The following TLN2 variants were observed in gnomAD, a reference collection of about 807,000 sequenced individuals.
TLN2 encodes the protein talin 2.
Under a neutral mutation model 294.7 loss-of-function variants are expected in TLN2, and 118 were observed. That is an observed-to-expected ratio of 0.40 (90% CI 0.34 to 0.47). TLN2 has a LOEUF of 0.47. Ranked by LOEUF, TLN2 falls within the 20% of genes least tolerant of loss-of-function variation. The pLI is 0.84. For missense variants in TLN2, 3,083 were observed against 3,282.2 expected (o/e 0.94, Z 1.48); for synonymous variants, 1,431 against 1,304.5 (o/e 1.10, Z -2.09).
chr15:62,456,340 G>C (rs1166876798), intron 1 of TLN2, among the ~76,000 whole-genome samples: 3 of 152,204 alleles, frequency 2.0e-5, no homozygotes, highest in African/African-American at 7.2e-5. Context: ...CTTCAGAGCT[G>C]CAGCAGTAGC....
At chr15:62,660,561 T>C (rs1315707474) in intron 9 of TLN2, among the ~76,000 whole-genome samples, 5 of 152,222 alleles carry the variant, frequency 3.3e-5, no homozygotes, top group Admixed American at 6.5e-5. Context: ...GGACATTTTA[T>C]TGGTGCATGA....
chr15:62,842,788 A>G lies in TLN2; in HGVS notation c.*2178A>G, dbSNP rs2070840747. On this transcript the variant is annotated 3_prime_UTR_variant, in exon 59 of 59. Transcript: ENST00000636159. ...GAAAGTTTATTTTTGTAGGAGCTATATAAATACTCACCTTTCTGGAGTCGT... is the reference window on the plus strand; with the variant it reads ...GAAAGTTTATTTTTGTAGGAGCTATGTAAATACTCACCTTTCTGGAGTCGT... The G allele has an allele frequency of 6.6e-6, 1 of 152,202 alleles. No individual in the cohort carries two copies. Among genetic ancestry groups the G allele is most frequent in the Non-Finnish European group, 1.5e-5 (1 of 68,034 alleles). 9.4% of individuals were successfully genotyped at this position (152,202 alleles called of 1,614,324 possible).
chr15:62,516,256 A>G (rs924824761), intron 1 of TLN2, among the ~76,000 whole-genome samples: 1 of 152,226 alleles, frequency 6.6e-6, no homozygotes, highest in Admixed American at 6.5e-5. Context: ...AATTTATTAT[A>G]GTTTTTGGCA....
chr15:62,771,571 A>T lies in TLN2; in HGVS notation c.5367+437A>T, dbSNP rs112539268. 8.9e-3 allele frequency among the ~76,000 whole-genome samples: 1,351 copies of T among 152,368 alleles called. 24 individuals carry two copies. The highest frequency in any genetic ancestry group is 0.03 in the African/African-American group (1,245 of 41,582). On this transcript the variant is annotated intron_variant, in intron 42 of 58. Coordinates refer to ENST00000636159, the MANE Select transcript of TLN2 (RefSeq NM_015059.3). ...AGTTTGCAAGAGGGAACATTTCTTC[A>T]GCCTGTTGTGTCACCCAGCTGCTTT...
intron 22 of TLN2, among the ~76,000 whole-genome samples, chr15:62,713,877 A>G (rs2059586887): frequency 7.7e-6 from 1 of 129,500 alleles, no homozygotes; most frequent in East Asian, 2.1e-4. Context: ...AAGCTCTGCT[A>G]TTAACCCCCT....
intron 41 of TLN2, among the ~76,000 whole-genome samples, chr15:62,767,995 A>T (rs1567562086): frequency 6.6e-6 from 1 of 152,198 alleles, no homozygotes; most frequent in Non-Finnish European, 1.5e-5. Context: ...CCTTGGGCTA[A>T]TCCATCTCTT....
At chr15:62,542,527 A>G (rs2041755806) in intron 1 of TLN2, among the ~76,000 whole-genome samples, 1 of 152,144 alleles carries the variant, frequency 6.6e-6, no homozygotes, top group Admixed American at 6.5e-5. Context: ...ACTGCAGGCA[A>G]CTGAAACTGC....
intron 45 of TLN2, among the ~76,000 whole-genome samples, chr15:62,791,175 C>T (rs543173635): frequency 2.9e-5 from 4 of 138,030 alleles, no homozygotes; most frequent in East Asian, 2.3e-4. Context: ...GGTGAAACCC[C>T]GTCTCTACTA....
chr15:62,714,389 A>T (rs922861557), intron 22 of TLN2, among the ~76,000 whole-genome samples: 1 of 151,714 alleles, frequency 6.6e-6, no homozygotes, highest in Non-Finnish European at 1.5e-5. Flanking sequence ...TTTTTAGTAG[A>T]GACAGGGTTT....
At chr15:62,438,891 G>A (rs898380496) in intron 1 of TLN2, among the ~76,000 whole-genome samples, 1 of 152,100 alleles carries the variant, frequency 6.6e-6, no homozygotes, top group Non-Finnish European at 1.5e-5. Flanking sequence ...AGCACATGCT[G>A]GACTCGGATT....
intron 1 of TLN2, among the ~76,000 whole-genome samples, chr15:62,423,834 C>T (rs953465578): frequency 6.6e-6 from 1 of 152,196 alleles, no homozygotes; most frequent in Non-Finnish European, 1.5e-5. Flanking sequence ...CACATCTTGG[C>T]CTCCCAAAGT....
At position 62,545,514 on chromosome 15, in the gene TLN2, T is replaced by TTGTGTGTGTGTGTGTG. The variant is rs56777565; in HGVS notation, c.-237-44157_-237-44142dup. Among the ~76,000 whole-genome samples, 304 of 146,018 alleles carry TTGTGTGTGTGTGTGTG rather than the reference T, an allele frequency of 2.1e-3. 1 individual carries two copies. Among genetic ancestry groups the TTGTGTGTGTGTGTGTG allele is most frequent in the African/African-American group, 4.0e-3 (158 of 39,478 alleles). Reference sequence around the variant, plus strand: ...TGAATCCAACTCTCTTTCTTTCTCTTTGTGTGTGTGTGTGTGTGTGTGTGT... The same window carrying TTGTGTGTGTGTGTGTG: ...TGAATCCAACTCTCTTTCTTTCTCTTTGTGTGTGTGTGTGTGTGTGTGTGTGTGTGTGTGTGTGTGT... On this transcript the variant is annotated intron_variant, in intron 1 of 58. Transcript: ENST00000636159.
Position 62,761,616 on chromosome 15 carries a change from T to C in TLN2, c.4639-65T>C, listed in dbSNP as rs146264970. The C allele has an allele frequency of 1.3e-4, 208 of 1,605,266 alleles. 1 individual carries two copies. The African/African-American group carries it at 2.3e-3, about 18-fold the overall frequency. On this transcript the variant is annotated intron_variant, in intron 37 of 58. Transcript: ENST00000636159. Reference sequence around the variant, plus strand: ...CCACCTTCTTTCACTAAGAGGTGATTACTGTGGTTCAGAAATAATTTGTGC... The same window carrying C: ...CCACCTTCTTTCACTAAGAGGTGATCACTGTGGTTCAGAAATAATTTGTGC...
intron 9 of TLN2, among the ~76,000 whole-genome samples, chr15:62,665,679 G>C (rs2054539178): frequency 9.6e-6 from 1 of 104,012 alleles, no homozygotes; most frequent in African/African-American, 2.9e-5. Flanking sequence ...ATTCACAGTG[G>C]ACTTGGAAAT....
rs1276569738 is a variant in TLN2, at chr15:62,677,205, G to T, written c.957+1884G>T. Among the ~76,000 whole-genome samples, 4 of 152,220 alleles carry T rather than the reference G, an allele frequency of 2.6e-5. No individual in the cohort carries two copies. In the South Asian group the frequency reaches 8.3e-4, roughly 31 times the overall value. ...GTGAAGGGCAACCAGTAGTAGATGA[G>T]CTCCAATGCCTTGCAGGGACAAAGA... On this transcript the variant is annotated intron_variant, in intron 11 of 58. Transcript: ENST00000636159.
At chr15:62,545,548 C>T (rs1014467067) in intron 1 of TLN2, among the ~76,000 whole-genome samples, 1 of 120,768 alleles carries the variant, frequency 8.3e-6, no homozygotes, top group Non-Finnish European at 1.8e-5. Flanking sequence ...GTGTGTGTCA[C>T]TGTGTCTCAA....
intron 45 of TLN2, among the ~76,000 whole-genome samples, chr15:62,789,748 A>C (rs1478630925): frequency 6.6e-6 from 1 of 152,202 alleles, no homozygotes; most frequent in Non-Finnish European, 1.5e-5. Flanking sequence ...TGCACAGAGA[A>C]GTTTGAGAGC....
chr15:62,666,287 G>C (rs1215324788), intron 9 of TLN2, among the ~76,000 whole-genome samples: 2 of 152,190 alleles, frequency 1.3e-5, no homozygotes, highest in African/African-American at 4.8e-5. Flanking sequence ...ATAGCGCTAA[G>C]AGGTGGGGCC....
At chr15:62,524,678 A>G (rs1210154794) in intron 1 of TLN2, among the ~76,000 whole-genome samples, 2 of 152,238 alleles carry the variant, frequency 1.3e-5, no homozygotes, top group African/African-American at 2.4e-5. Context: ...TGAGATTGTC[A>G]TCTGCAGCTT....
Sources: allele counts gnomAD v4.1 joint callset (sites outside exome capture counted in the v4.1 genomes callset), GRCh38; gene constraint gnomAD v4.1.1; transcripts MANE v1.5; gene names NCBI Gene and HGNC (gene_info 2026-07-23, HGNC 2026-07-21).